Variants in MEF2A observed in about 807,000 individuals in gnomAD.
The protein encoded by MEF2A is myocyte enhancer factor 2A, also known as myocyte-specific enhancer factor 2A.
Under a neutral mutation model 55.8 loss-of-function variants are expected in MEF2A, and 28 were observed. The observed-to-expected ratio is 0.50, with a 90% confidence interval of 0.37 to 0.69. MEF2A has a LOEUF of 0.69. Ranked by LOEUF, MEF2A falls within the 30% of genes least tolerant of loss-of-function variation. MEF2A has a pLI of 0.00. For synonymous variants in MEF2A, 239 were observed against 227.1 expected (o/e 1.05, Z -0.47); for missense variants, 528 against 626.2 (o/e 0.84, Z 1.67).
intron 7 of MEF2A, chr15:99,681,731 A>G (rs935313294): frequency 2.6e-5 from 4 of 152,224 alleles, no homozygotes; most frequent in African/African-American, 7.2e-5. Flanking sequence ...CATTGAATCA[A>G]GTACACATGC....
chr15:99,597,948 A>G (rs1971792125), intron 1 of MEF2A, among the ~76,000 whole-genome samples: 1 of 152,240 alleles, frequency 6.6e-6, no homozygotes, highest in Non-Finnish European at 1.5e-5. Context: ...AATTACAAAT[A>G]TACACATTGT....
chr15:99,706,955 C>T, intron 10 of MEF2A, 100 bp downstream of exon 10: 1 of 1,354,136 alleles, frequency 7.4e-7, no homozygotes, highest in African/African-American at 1.5e-5. Flanking sequence ...TTGAAATAAA[C>T]TATTTCCAGT....
At chr15:99,672,078 G>C (rs370390984) in intron 5 of MEF2A, among the ~76,000 whole-genome samples, 2 of 152,150 alleles carry the variant, frequency 1.3e-5, no homozygotes, top group Non-Finnish European at 2.9e-5. Context: ...AATAGATCTT[G>C]AGAAAGCAAA....
chr15:99,661,218 C>A (rs1596917668), intron 4 of MEF2A, among the ~76,000 whole-genome samples: 1 of 152,050 alleles, frequency 6.6e-6, no homozygotes, highest in South Asian at 2.1e-4. Flanking sequence ...ACAAAATTAC[C>A]TCCAGGATGC....
At chr15:99,570,878 A>G (rs1168882421) in intron 1 of MEF2A, among the ~76,000 whole-genome samples, 1 of 151,672 alleles carries the variant, frequency 6.6e-6, no homozygotes, top group Admixed American at 6.6e-5. Flanking sequence ...GGGATAGAAG[A>G]TTGGCCTGTA....
Position 99,634,461 on chromosome 15 carries a change from G to A in MEF2A, c.54+1288G>A, listed in dbSNP as rs140434125. 3.0e-3 allele frequency among the ~76,000 whole-genome samples: 461 copies of A among 152,304 alleles called. 3 individuals carry two copies. The highest frequency in any genetic ancestry group is 0.01 in the African/African-American group (423 of 41,568). ...CTTCACAATCTGAGGATTATGAAGT[G>A]TAGAGGAGGCATAGGGACCTGCTTC... On this transcript the variant is annotated intron_variant, in intron 3 of 11. Transcript: ENST00000557942.
At chr15:99,656,072 G>A (rs1053527257) in intron 4 of MEF2A, among the ~76,000 whole-genome samples, 9 of 152,026 alleles carry the variant, frequency 5.9e-5, no homozygotes, top group Non-Finnish European at 1.2e-4. Context: ...GTGTACTTCC[G>A]CATTCACTTA....
intron 2 of MEF2A, chr15:99,620,901 A>T (rs1036510839): frequency 2.7e-5 from 4 of 146,032 alleles, no homozygotes; most frequent in African/African-American, 1.0e-4. Flanking sequence ...GCTGAAGTGC[A>T]GTGGTGTGAT....
At chr15:99,710,852 G>A (rs1235569876) in intron 11 of MEF2A, 92 bp downstream of exon 11, 41 of 1,412,010 alleles carry the variant, frequency 2.9e-5, no homozygotes, top group East Asian at 4.8e-5. Flanking sequence ...GTTGAGTTTC[G>A]TGTGAGGAAT....
At chr15:99,636,090 C>A (rs947962121) in intron 3 of MEF2A, among the ~76,000 whole-genome samples, 1 of 152,114 alleles carries the variant, frequency 6.6e-6, no homozygotes, top group Non-Finnish European at 1.5e-5. Flanking sequence ...TTTAGTCATT[C>A]TGGTAGGTGA....
At chr15:99,683,476 G>A (rs543005165) in intron 7 of MEF2A, among the ~76,000 whole-genome samples, 2 of 152,038 alleles carry the variant, frequency 1.3e-5, no homozygotes, top group African/African-American at 4.8e-5. Flanking sequence ...GCACGATCTC[G>A]GCTCACTGCA....
At chr15:99,597,216 G>A (rs1230341046) in intron 1 of MEF2A, among the ~76,000 whole-genome samples, 1 of 152,124 alleles carries the variant, frequency 6.6e-6, no homozygotes, top group Non-Finnish European at 1.5e-5. Flanking sequence ...GAGAAATATC[G>A]CTGAATTCTT....
chr15:99,631,202 C>G (rs2042885652), intron 2 of MEF2A, among the ~76,000 whole-genome samples: 1 of 152,188 alleles, frequency 6.6e-6, no homozygotes, highest in Non-Finnish European at 1.5e-5. Flanking sequence ...TACACTGTAT[C>G]CATCTTACAG....
intron 7 of MEF2A, among the ~76,000 whole-genome samples, chr15:99,680,915 GTCA>G (rs1376568297): frequency 6.6e-6 from 1 of 151,942 alleles, no homozygotes; most frequent in African/African-American, 2.4e-5. Context: ...GTTTTCCATT[GTCA>G]TCTGTGCAAA....
At position 99,575,314 on chromosome 15, in the gene MEF2A, T is replaced by A. The variant is rs371832730; in HGVS notation, c.-225+9210T>A. On this transcript the variant is annotated intron_variant, in intron 1 of 11. Coordinates refer to ENST00000557942, the MANE Select transcript of MEF2A (RefSeq NM_001319206.4). Reference sequence around the variant, plus strand: ...ATACAATGCATTTTAATTATATCCCTTGTATTGTTTAATCTGAAACAGTTC... The same window carrying A: ...ATACAATGCATTTTAATTATATCCCATGTATTGTTTAATCTGAAACAGTTC... Among the ~76,000 whole-genome samples the A allele has an allele frequency of 5.3e-5, 8 of 152,340 alleles. No homozygotes were observed. In the South Asian group the frequency reaches 1.5e-3, roughly 28 times the overall value.
chr15:99,699,381 A>G (rs749189297), intron 8 of MEF2A, among the ~76,000 whole-genome samples: 5 of 152,202 alleles, frequency 3.3e-5, no homozygotes, highest in East Asian at 1.9e-4. Context: ...ACTGGCTGCC[A>G]TGGGTTGGGA....
rs562730282 is a variant in MEF2A, at chr15:99,644,618, T to G, written c.55-943T>G. On this transcript the variant is annotated intron_variant, in intron 3 of 11. Transcript: ENST00000557942. ...TATGATAGGTATCCATGGGGAAAATTGCTGAACTTTATGTTGTTGCACAAT... is the reference window on the plus strand; with the variant it reads ...TATGATAGGTATCCATGGGGAAAATGGCTGAACTTTATGTTGTTGCACAAT... Among the ~76,000 whole-genome samples the G allele has an allele frequency of 1.2e-4, 19 of 152,370 alleles. No individual in the cohort carries two copies. In the East Asian group the frequency reaches 3.7e-3, roughly 29 times the overall value.
intron 8 of MEF2A, among the ~76,000 whole-genome samples, chr15:99,697,182 G>A (rs556984054): frequency 1.3e-5 from 2 of 152,112 alleles, no homozygotes; most frequent in South Asian, 4.1e-4. Flanking sequence ...GCTAGGTAAT[G>A]ATATTTTTTT....
chr15:99,696,376 T>TTC (rs1341189905), intron 8 of MEF2A, among the ~76,000 whole-genome samples: 1 of 152,144 alleles, frequency 6.6e-6, no homozygotes, highest in African/African-American at 2.4e-5. Context: ...ACTGGCAAAT[T>TTC]TCAGTGAATT....
Sources: gnomAD v4.1 joint callset for allele counts (sites outside exome capture counted in the v4.1 genomes callset) on GRCh38, gnomAD v4.1.1 for gene constraint, MANE v1.5 for transcripts, NCBI Gene and HGNC (gene_info 2026-07-23, HGNC 2026-07-21) for gene names.